AGBL4: variants seen among roughly 807,000 people sequenced by gnomAD.
AGBL4 encodes cytosolic carboxypeptidase 6.
AGBL4 carries 58 observed loss-of-function variants against 66.4 expected under a neutral mutation model. That is an observed-to-expected ratio of 0.87 (90% CI 0.71 to 1.09). The LOEUF is 1.09. Ranked by LOEUF, AGBL4 falls within the 50% of genes least tolerant of loss-of-function variation. The pLI, the probability that AGBL4 is intolerant of heterozygous loss-of-function variation, is 0.00. For synonymous variants in AGBL4, 234 were observed against 222.9 expected (o/e 1.05, Z -0.44); for missense variants, 579 against 631.0 (o/e 0.92, Z 0.88).
chr1:49,724,684 G>A (rs1344929492), intron 2 of AGBL4, among the ~76,000 whole-genome samples: 1 of 152,094 alleles, frequency 6.6e-6, no homozygotes, highest in Non-Finnish European at 1.5e-5. Flanking sequence ...CCTGTAAGGA[G>A]GTGATTAAAG....
At chr1:48,960,271 C>T (rs1348844188) in intron 5 of AGBL4, among the ~76,000 whole-genome samples, 2 of 152,026 alleles carry the variant, frequency 1.3e-5, no homozygotes, top group African/African-American at 2.4e-5. Flanking sequence ...AAATTATTAG[C>T]GTTGCCATTT....
chr1:48,642,908 G>A (rs1645780318), intron 8 of AGBL4, among the ~76,000 whole-genome samples: 1 of 152,158 alleles, frequency 6.6e-6, no homozygotes, highest in Admixed American at 6.5e-5. Context: ...AGTCAAGTGT[G>A]GGCTCTGGAG....
intron 1 of AGBL4, among the ~76,000 whole-genome samples, chr1:50,006,616 ATGGAAACC>A (rs1661149499): frequency 6.6e-6 from 1 of 151,998 alleles, no homozygotes; most frequent in Non-Finnish European, 1.5e-5. Context: ...AGACTTTTCA[ATGGAAACC>A]TTACAGGCCA....
At chr1:49,769,505 C>A (rs1019514957) in intron 2 of AGBL4, among the ~76,000 whole-genome samples, 2 of 152,018 alleles carry the variant, frequency 1.3e-5, no homozygotes, top group Non-Finnish European at 2.9e-5. Flanking sequence ...CCTGAATAGC[C>A]AAGCAATTCT....
chr1:49,156,405 C>A (rs1646430435), intron 4 of AGBL4, among the ~76,000 whole-genome samples: 1 of 152,174 alleles, frequency 6.6e-6, no homozygotes, highest in Admixed American at 6.5e-5. Flanking sequence ...TGGCTTAAGA[C>A]AGCAAACATT....
chr1:48,778,093 G>A (rs987125028), intron 6 of AGBL4, among the ~76,000 whole-genome samples: 1 of 151,934 alleles, frequency 6.6e-6, no homozygotes, highest in Non-Finnish European at 1.5e-5. Context: ...CACTTGACAG[G>A]GAGTTAATGA....
chr1:49,231,633 C>T (rs554368207), intron 4 of AGBL4, among the ~76,000 whole-genome samples: 30 of 152,284 alleles, frequency 2.0e-4, no homozygotes, highest in Non-Finnish European at 1.6e-4. Flanking sequence ...TGCACATACA[C>T]ATTACTCACT....
At chr1:49,095,588 A>T (rs1309228495) in intron 4 of AGBL4, among the ~76,000 whole-genome samples, 1 of 152,218 alleles carries the variant, frequency 6.6e-6, no homozygotes, top group African/African-American at 2.4e-5. Flanking sequence ...AGAAATGGGG[A>T]AAGGATTCCC....
At chr1:48,744,074 T>TTAATTGTG (rs780126321) in intron 6 of AGBL4, among the ~76,000 whole-genome samples, 1 of 152,158 alleles carries the variant, frequency 6.6e-6, no homozygotes, top group African/African-American at 2.4e-5. Flanking sequence ...ACACTATATT[T>TTAATTGTG]TAATTGTGTG....
chr1:49,632,121 G>T (rs948090865), intron 3 of AGBL4, among the ~76,000 whole-genome samples: 1 of 152,182 alleles, frequency 6.6e-6, no homozygotes, highest in Non-Finnish European at 1.5e-5. Flanking sequence ...GAGTGTAGTA[G>T]AGAAAATGAA....
intron 3 of AGBL4, among the ~76,000 whole-genome samples, chr1:49,407,591 A>G (rs1361787777): frequency 6.6e-6 from 1 of 152,234 alleles, no homozygotes; most frequent in Non-Finnish European, 1.5e-5. Flanking sequence ...GAAAGACAAT[A>G]TTACTTCTGA....
intron 3 of AGBL4, among the ~76,000 whole-genome samples, chr1:49,491,704 C>A (rs1231479008): frequency 6.6e-6 from 1 of 151,894 alleles, no homozygotes; most frequent in African/African-American, 2.4e-5. Context: ...TTTGCTACAA[C>A]AGCAGCAGCT....
At chr1:49,628,156 A>G (rs530154159) in intron 3 of AGBL4, among the ~76,000 whole-genome samples, 1 of 152,248 alleles carries the variant, frequency 6.6e-6, no homozygotes, top group South Asian at 2.1e-4. Flanking sequence ...CTCTACTGTG[A>G]ATGGTATATT....
chr1:49,456,157 T>C (rs1310302888), intron 3 of AGBL4, among the ~76,000 whole-genome samples: 6 of 151,728 alleles, frequency 4.0e-5, no homozygotes, highest in Non-Finnish European at 7.4e-5. Flanking sequence ...CTTCCAAGTC[T>C]TTAATTTGGA....
intron 3 of AGBL4, among the ~76,000 whole-genome samples, chr1:49,531,237 T>C (rs1362106034): frequency 1.3e-5 from 2 of 152,102 alleles, no homozygotes; most frequent in African/African-American, 4.8e-5. Flanking sequence ...AAGAGTGCAC[T>C]GGGCTGTCTT....
intron 3 of AGBL4, among the ~76,000 whole-genome samples, chr1:49,331,075 C>G (rs1000683204): frequency 6.6e-6 from 1 of 152,066 alleles, no homozygotes; most frequent in African/African-American, 2.4e-5. Context: ...GAGATTCCCT[C>G]GTGAACCCAC....
In AGBL4 at chr1:48,734,070, C is replaced by T. The variant is rs1361247086; in HGVS notation, c.635-70829G>A. ...CAGGCAGGGCAGGGCAGGGCTGCAT[C>T]CCCAGGATGGCCTTTTTCTCAGGGT... On this transcript the variant is annotated intron_variant, in intron 6 of 13. Coordinates refer to ENST00000371839, the MANE Select transcript of AGBL4 (RefSeq NM_032785.4). 2.6e-5 allele frequency among the ~76,000 whole-genome samples: 4 copies of T among 152,156 alleles called. No individual in the cohort carries two copies. In the East Asian group the frequency reaches 7.7e-4, roughly 29 times the overall value.
intron 3 of AGBL4, among the ~76,000 whole-genome samples, chr1:49,378,317 T>C (rs1570566405): frequency 6.6e-6 from 1 of 152,128 alleles, no homozygotes; most frequent in Admixed American, 6.6e-5. Flanking sequence ...ATTTTCTTTG[T>C]GATCTGGGGA....
At chr1:49,297,830 C>T (rs1644670817) in intron 3 of AGBL4, among the ~76,000 whole-genome samples, 1 of 152,144 alleles carries the variant, frequency 6.6e-6, no homozygotes, top group Admixed American at 6.5e-5. Flanking sequence ...ATTCAAGGCA[C>T]AGAATCACCC....
Sources: gnomAD v4.1 joint callset for allele counts (sites outside exome capture counted in the v4.1 genomes callset) on GRCh38, gnomAD v4.1.1 for gene constraint, MANE v1.5 for transcripts, NCBI Gene and HGNC (gene_info 2026-07-23, HGNC 2026-07-21) for gene names.